CERS5: variants seen among roughly 807,000 people sequenced by gnomAD.
The protein encoded by CERS5 is ceramide synthase 5, also known as LAG1 homolog, ceramide synthase 5.
In CERS5, 37 loss-of-function variants were observed where a neutral mutation model predicts 58.9. The observed-to-expected ratio is 0.63, with a 90% CI of 0.48 to 0.83. The LOEUF (loss-of-function observed/expected upper bound fraction) is 0.83. Ranked by LOEUF, CERS5 falls within the 40% of genes least tolerant of loss-of-function variation. The pLI is 0.00. For missense variants in CERS5, 398 were observed against 489.3 expected (o/e 0.81, Z 1.76); for synonymous variants, 147 against 177.8 (o/e 0.83, Z 1.38).
chr12:50,134,132 T>G, intron 9 of CERS5: 1 of 204,624 alleles, frequency 4.9e-6, no homozygotes, highest in South Asian at 7.2e-5. Flanking sequence ...TGTAATTCCA[T>G]CGCTTTGGGA....
Position 50,167,350 on chromosome 12 carries a change from C to G in CERS5, c.-53G>C. ...CCACAAGCGTCAGCTGCCGCCACAG[C>G]CAACGGAACCCGCGGGGAGGCGGCC... On this transcript the variant is annotated 5_prime_UTR_variant, in exon 1 of 10. Transcript: ENST00000317551. 1.4e-6 allele frequency: 2 copies of G among 1,453,974 alleles called. No individual in the cohort carries two copies. Among genetic ancestry groups the G allele is most frequent in the Non-Finnish European group, 1.8e-6 (2 of 1,113,136 alleles). The allele number at this position is 1,453,974 out of a possible 1,614,324, so 90.1% of individuals were successfully genotyped here.
intron 1 of CERS5, among the ~76,000 whole-genome samples, chr12:50,160,530 G>A (rs945065786): frequency 1.3e-5 from 2 of 151,950 alleles, no homozygotes; most frequent in South Asian, 2.1e-4. Context: ...AATAAGCAGC[G>A]GTGAAAGCTC....
chr12:50,148,221 T>G (rs1952409373), intron 1 of CERS5, among the ~76,000 whole-genome samples: 1 of 151,974 alleles, frequency 6.6e-6, no homozygotes, highest in Non-Finnish European at 1.5e-5. Context: ...GAGGATCACT[T>G]GAGCCTGGGA....
chr12:50,137,182 A>G (rs1951735707), intron 6 of CERS5, among the ~76,000 whole-genome samples: 1 of 152,188 alleles, frequency 6.6e-6, no homozygotes, highest in Non-Finnish European at 1.5e-5. Flanking sequence ...AAATGACTTA[A>G]GTTGTGTAAA....
intron 1 of CERS5, among the ~76,000 whole-genome samples, chr12:50,149,888 G>A (rs200884282): frequency 3.3e-5 from 5 of 152,018 alleles, no homozygotes; most frequent in African/African-American, 1.2e-4. Flanking sequence ...GACTACAGGC[G>A]TGCACCACCA....
chr12:50,149,276 T>C (rs1305380850), intron 1 of CERS5, among the ~76,000 whole-genome samples: 1 of 152,100 alleles, frequency 6.6e-6, no homozygotes, highest in Non-Finnish European at 1.5e-5. Context: ...AAGTAGGCAT[T>C]TAGTGGTCTA....
Position 50,167,188 on chromosome 12 carries a change from T to A in CERS5, c.110A>T (p.Asp37Val). The change falls in exon 1 of 10, where the codon GAC becomes GTC. Residue 37 changes from aspartate to valine, a missense_variant. Coordinates refer to ENST00000317551, the MANE Select transcript of CERS5 (RefSeq NM_147190.5). ...VSWADLEGPADGYGYPRGRHI... is the reference protein window; with the variant it reads ...VSWADLEGPAVGYGYPRGRHI... ...CCGGCCGCGGGGGTAACCGTAGCCGTCGGCCGGCCCCTCCAGATCAGCCCA... is the reference window on the plus strand; with the variant it reads ...CCGGCCGCGGGGGTAACCGTAGCCGACGGCCGGCCCCTCCAGATCAGCCCA... 6.2e-7 allele frequency: 1 copy of A among 1,603,266 alleles called. No homozygotes were observed. Among genetic ancestry groups the A allele is most frequent in the Non-Finnish European group, 8.5e-7 (1 of 1,177,030 alleles).
intron 8 of CERS5, among the ~76,000 whole-genome samples, chr12:50,135,076 A>G (rs936891245): frequency 2.0e-5 from 3 of 147,668 alleles, no homozygotes; most frequent in African/African-American, 7.5e-5. Context: ...CAGTGAATGT[A>G]AAAGTGAAAG....
At chr12:50,148,946 A>ATATATATGTGTG (rs1420401358) in intron 1 of CERS5, among the ~76,000 whole-genome samples, 2 of 103,144 alleles carry the variant, frequency 1.9e-5, no homozygotes, top group Non-Finnish European at 1.9e-5. Flanking sequence ...ATATATATAT[A>ATATATATGTGTG]TGTGTGTGTG....
intron 1 of CERS5, among the ~76,000 whole-genome samples, chr12:50,147,949 A>AT (rs76241666): frequency 6.6e-5 from 10 of 150,692 alleles, no homozygotes; most frequent in South Asian, 6.3e-4. Flanking sequence ...TAATTAAAAA[A>AT]TTTTTTTTTT....
At position 50,143,812 on chromosome 12, in the gene CERS5, A is replaced by G. The variant is rs535998641; in HGVS notation, c.303+140T>C. On this transcript the variant is annotated intron_variant, in intron 2 of 9. Transcript: ENST00000317551. Reference sequence around the variant, plus strand: ...TTTCCCTGAGGGGATAAAGCTCTCCATATAGCTACATGGACTACTCAAATA... The same window carrying G: ...TTTCCCTGAGGGGATAAAGCTCTCCGTATAGCTACATGGACTACTCAAATA... 9.9e-5 allele frequency: 61 copies of G among 616,886 alleles called. 1 individual carries two copies. The Middle Eastern group carries it at 2.0e-3, about 20-fold the overall frequency. 38.2% of individuals were successfully genotyped at this position (616,886 alleles called of 1,614,324 possible).
chr12:50,147,174 C>T (rs981867650), intron 1 of CERS5, among the ~76,000 whole-genome samples: 3 of 151,702 alleles, frequency 2.0e-5, no homozygotes, highest in South Asian at 2.1e-4. Context: ...GAGGCTGAGG[C>T]GGGCGGATCA....
Position 50,143,159 on chromosome 12 carries a change from A to G in CERS5, c.349T>C (p.Trp117Arg). 1 of 1,614,126 alleles carries G rather than the reference A, an allele frequency of 6.2e-7. No homozygotes were observed. The highest frequency in any genetic ancestry group is 8.5e-7 in the Non-Finnish European group (1 of 1,180,010). Residue 117 changes from tryptophan to arginine, a missense_variant, in exon 3 of 10, where the codon TGG (tryptophan) becomes CGG (arginine). Trp to Arg is a moderately radical substitution (Grantham distance 101). Around this residue, in one of 3 missense-constraint regions of CERS5, gnomAD observed 328 missense variants for 384.5 expected, o/e 0.85. Transcript: ENST00000317551. ...RLEGLSKQLD[W>R]NVRKIQCWFR... Reference sequence around the variant, plus strand: ...CAGCATTGGATTTTTCGGACATTCCAATCCAGCTGCTTTGACAGGCCCTCC... The same window carrying G: ...CAGCATTGGATTTTTCGGACATTCCGATCCAGCTGCTTTGACAGGCCCTCC...
chr12:50,157,520 G>T (rs1455714454), intron 1 of CERS5, among the ~76,000 whole-genome samples: 1 of 151,880 alleles, frequency 6.6e-6, no homozygotes, highest in Non-Finnish European at 1.5e-5. Flanking sequence ...TCATGGGGGA[G>T]ACAAGTCCAT....
intron 1 of CERS5, chr12:50,154,333 C>T (rs1294720376): frequency 5.6e-6 from 1 of 179,720 alleles, no homozygotes; most frequent in South Asian, 8.2e-5. Flanking sequence ...GGGAACAGAG[C>T]AAGACTCCGT....
rs144289054 is a variant in CERS5, at chr12:50,139,933, C to T, written c.493-1316G>A. Reference sequence around the variant, plus strand: ...AGAGACTGGATCTCGCCATCTTGCCCAAGCTGATCTCGAACTCCTGGGCTT... The same window carrying T: ...AGAGACTGGATCTCGCCATCTTGCCTAAGCTGATCTCGAACTCCTGGGCTT... On this transcript the variant is annotated intron_variant, in intron 4 of 9. Coordinates refer to ENST00000317551, the MANE Select transcript of CERS5 (RefSeq NM_147190.5). Among the ~76,000 whole-genome samples the T allele has an allele frequency of 7.9e-5, 12 of 152,166 alleles. 1 individual carries two copies. The highest frequency in any genetic ancestry group is 2.6e-4 in the African/African-American group (11 of 41,516).
intron 9 of CERS5, 142 bp from the exon 10 acceptor site, chr12:50,130,836 A>G (rs2137974165): frequency 3.1e-6 from 2 of 636,488 alleles, no homozygotes; most frequent in Non-Finnish European, 5.1e-6. Context: ...TGTCTGGACT[A>G]TGGCTACTGT....
In CERS5 at chr12:50,134,663, G is replaced by C; in HGVS notation, c.912C>G (p.Ile304Met). ...GGAGCCACCATGAAGCATAAGGCCC[G>C]ATTATCTCCCAACTCTCAAAGAGGG... ...NTTLFESWEI[I>M]GPYASWWLLN... The change falls in exon 9 of 10, where the codon ATC becomes ATG. Residue 304 changes from isoleucine (I) to methionine (M), a missense_variant. This residue lies in a region of CERS5 where 328 missense variants were observed against 384.5 expected (regional missense o/e 0.85). Transcript: ENST00000317551. 1 of 1,614,102 alleles carries C rather than the reference G, an allele frequency of 6.2e-7. No individual in the cohort carries two copies. Among genetic ancestry groups the C allele is most frequent in the Non-Finnish European group, 8.5e-7 (1 of 1,180,018 alleles).
At chr12:50,136,366 G>A (rs1488595097) in intron 6 of CERS5, among the ~76,000 whole-genome samples, 3 of 152,024 alleles carry the variant, frequency 2.0e-5, no homozygotes, top group African/African-American at 7.2e-5. Context: ...CCAGCTACTC[G>A]GGAGGCTGAG....
Sources: gnomAD v4.1 joint callset for allele counts (sites outside exome capture counted in the v4.1 genomes callset) on GRCh38, gnomAD v4.1.1 for gene constraint, gnomAD v4.1.1 regional missense constraint, MANE v1.5 for transcripts, NCBI Gene and HGNC (gene_info 2026-07-23, HGNC 2026-07-21) for gene names.